DCAF6: variants seen among roughly 807,000 people sequenced by gnomAD.
DCAF6 encodes DDB1 and CUL4 associated factor 6.
DCAF6 carries 54 observed loss-of-function variants against 125.1 expected under a neutral mutation model. That is an observed-to-expected ratio of 0.43 (90% CI 0.35 to 0.54). DCAF6 has a LOEUF of 0.54. Among genes scored for constraint, DCAF6 ranks in the 20% least tolerant of loss-of-function variants. The pLI, the probability that DCAF6 is intolerant of heterozygous loss-of-function variation, is 0.01. For synonymous variants in DCAF6, 371 were observed against 390.4 expected, an observed-to-expected ratio of 0.95 and a Z score of 0.58; for missense variants, 934 against 1,161.7, an observed-to-expected ratio of 0.80 and a Z score of 2.85.
At chr1:167,998,166 ATC>A (rs200134915) in intron 7 of DCAF6, among the ~76,000 whole-genome samples, 2,301 of 152,278 alleles carry the variant, frequency 0.015, 54 homozygotes, top group African/African-American at 0.051. Flanking sequence ...AGTCACACAG[ATC>A]TTTTGGTTTC....
intron 1 of DCAF6, among the ~76,000 whole-genome samples, chr1:167,943,502 A>G (rs1377410304): frequency 1.4e-5 from 2 of 147,208 alleles, no homozygotes; most frequent in Non-Finnish European, 2.9e-5. Context: ...GCTATTTTAG[A>G]TGATATTTTT....
upstream of DCAF6, chr1:167,936,011 G>A (rs1245331715): frequency 4.8e-6 from 3 of 618,658 alleles, no homozygotes; most frequent in Non-Finnish European, 8.6e-6. Flanking sequence ...GAAAAGCTGC[G>A]GCCCGCGCCC....
chr1:167,889,093 A>G, the DCAF6 span, among the ~76,000 whole-genome samples: 1 of 152,078 alleles, frequency 6.6e-6, no homozygotes, highest in Non-Finnish European at 1.5e-5. Flanking sequence ...TTGTCTGATT[A>G]CATAGGACTT....
chr1:167,883,071 G>C, the DCAF6 span, among the ~76,000 whole-genome samples: 1 of 152,200 alleles, frequency 6.6e-6, no homozygotes, highest in Non-Finnish European at 1.5e-5. Context: ...GGAGTCTCAC[G>C]CTATAGCCCA....
At chr1:167,990,416 A>G (rs1249050564) in intron 5 of DCAF6, among the ~76,000 whole-genome samples, 1 of 152,218 alleles carries the variant, frequency 6.6e-6, no homozygotes, top group Non-Finnish European at 1.5e-5. Context: ...TATAGACAGT[A>G]TGAGAGATTT....
rs978985051 is a variant in DCAF6, at chr1:167,993,368, A to G, written c.831A>G (p.Ile277Met). The change falls in exon 7 of 22, where the codon ATA becomes ATG. Residue 277 changes from isoleucine (I) to methionine (M), a missense_variant. Physicochemically the swap from Ile to Met is conservative, Grantham distance 10. Around this residue, in one of 5 missense-constraint regions of DCAF6, gnomAD observed 309 missense variants for 381.2 expected, o/e 0.81. Transcript: ENST00000367840. Reference protein sequence around the residue: ...EILVSYSSDYIYLFDPKDDTA... With the variant: ...EILVSYSSDYMYLFDPKDDTA... ...TCGTTAGTTACTCTTCAGATTACATATATCTTTTTGACCCGAAAGATGATA... is the reference window on the plus strand; with the variant it reads ...TCGTTAGTTACTCTTCAGATTACATGTATCTTTTTGACCCGAAAGATGATA... 11 of 1,613,824 alleles carry G rather than the reference A, an allele frequency of 6.8e-6. No homozygotes were observed. Among genetic ancestry groups the G allele is most frequent in the East Asian group, 4.5e-5 (2 of 44,896 alleles).
the DCAF6 span, among the ~76,000 whole-genome samples, chr1:167,895,282 C>T: frequency 6.6e-6 from 1 of 151,914 alleles, no homozygotes; most frequent in Admixed American, 6.5e-5. Flanking sequence ...CAGGAGATGG[C>T]ATTAGTAAAG....
intron 12 of DCAF6, among the ~76,000 whole-genome samples, chr1:168,030,583 T>C (rs569493084): frequency 6.6e-5 from 10 of 152,048 alleles, no homozygotes; most frequent in Non-Finnish European, 1.2e-4. Context: ...AAAAGTAAGG[T>C]AGGAGAGATG....
chr1:168,039,704 T>C (rs1455854835), intron 13 of DCAF6, among the ~76,000 whole-genome samples: 2 of 148,064 alleles, frequency 1.4e-5, no homozygotes, highest in African/African-American at 4.9e-5. Flanking sequence ...TATTTAATTG[T>C]ATATTAATAT....
chr1:168,050,064 C>CT (rs1453671420), intron 16 of DCAF6, among the ~76,000 whole-genome samples: 2 of 102,460 alleles, frequency 2.0e-5, no homozygotes, highest in African/African-American at 5.1e-5. Flanking sequence ...AAATTACTCT[C>CT]TGAAAAAAAA....
intron 7 of DCAF6, among the ~76,000 whole-genome samples, chr1:168,000,939 T>C (rs181460752): frequency 1.3e-5 from 2 of 152,262 alleles, no homozygotes; most frequent in East Asian, 1.9e-4. Context: ...TTTATGAATA[T>C]ACACCACTGA....
chr1:167,895,520 G>C, the DCAF6 span, among the ~76,000 whole-genome samples: 1 of 152,194 alleles, frequency 6.6e-6, no homozygotes, highest in Non-Finnish European at 1.5e-5. Context: ...TTCTCACTTG[G>C]ATGGAGTTTT....
the DCAF6 span, chr1:167,896,522 G>T: frequency 1.7e-6 from 2 of 1,202,872 alleles, no homozygotes; most frequent in African/African-American, 1.5e-5. Flanking sequence ...CAGTAATGAA[G>T]CTGTCGGCAT....
chr1:167,988,075 A>G (rs1418060463), intron 5 of DCAF6, among the ~76,000 whole-genome samples: 2 of 152,192 alleles, frequency 1.3e-5, no homozygotes, highest in East Asian at 1.9e-4. Flanking sequence ...ATAGCATGCT[A>G]TCAACATGTT....
chr1:168,057,697 A>G (rs949971592), intron 17 of DCAF6, among the ~76,000 whole-genome samples: 3 of 152,216 alleles, frequency 2.0e-5, no homozygotes, highest in African/African-American at 7.2e-5. Context: ...ACACATATAC[A>G]TAGTTACAAT....
At chr1:167,926,238 G>A in the DCAF6 span, among the ~76,000 whole-genome samples, 2 of 152,314 alleles carry the variant, frequency 1.3e-5, no homozygotes, top group East Asian at 3.9e-4. Context: ...AACAGCTGGT[G>A]AGAGAATTTA....
chr1:168,029,824 C>A (rs1276611890), intron 12 of DCAF6, among the ~76,000 whole-genome samples: 6 of 151,802 alleles, frequency 4.0e-5, no homozygotes, highest in African/African-American at 1.5e-4. Context: ...ATGAAAAACA[C>A]AAAAAATTAG....
the DCAF6 span, among the ~76,000 whole-genome samples, chr1:167,913,027 C>T: frequency 1.3e-5 from 2 of 152,184 alleles, no homozygotes; most frequent in African/African-American, 4.8e-5. Flanking sequence ...ATGACCTAGA[C>T]AAAAGATGTA....
intron 14 of DCAF6, among the ~76,000 whole-genome samples, chr1:168,043,706 A>G (rs1471805279): frequency 2.0e-5 from 3 of 152,178 alleles, no homozygotes; most frequent in African/African-American, 7.2e-5. Flanking sequence ...TTTCTTATAA[A>G]TGTGTAGGTA....
Sources: allele counts gnomAD v4.1 joint callset (sites outside exome capture counted in the v4.1 genomes callset), GRCh38; gene constraint gnomAD v4.1.1; regional missense constraint gnomAD v4.1.1; transcripts MANE v1.5; gene names NCBI Gene and HGNC (gene_info 2026-07-23, HGNC 2026-07-21).